RFTN2: variants seen among roughly 807,000 people sequenced by gnomAD.
RFTN2 encodes raftlin-2.
RFTN2 carries 34 observed loss-of-function variants against 52.7 expected under a neutral mutation model. The ratio of observed to expected loss-of-function variants is 0.64; its 90% CI spans 0.49 to 0.86. The LOEUF is 0.86. RFTN2 is among the 40% of genes least tolerant of loss of function. RFTN2 has a pLI of 0.00. For missense variants in RFTN2, 536 were observed against 600.1 expected, an observed-to-expected ratio of 0.89 and a Z score of 1.12; for synonymous variants, 203 against 217.7, an observed-to-expected ratio of 0.93 and a Z score of 0.59.
chr2:197,608,958 G>A (rs986576802), intron 7 of RFTN2, among the ~76,000 whole-genome samples: 6 of 152,150 alleles, frequency 3.9e-5, no homozygotes, highest in African/African-American at 1.4e-4. Context: ...CAAAGGACAT[G>A]AACTCATCCT....
Position 197,640,094 on chromosome 2 carries a change from G to A in RFTN2, c.438+4064C>T, listed in dbSNP as rs1002639031. Among the ~76,000 whole-genome samples the A allele has an allele frequency of 7.9e-5, 12 of 152,308 alleles. No individual in the cohort carries two copies. In the East Asian group the frequency reaches 9.7e-4, roughly 12 times the overall value. ...ACCCACTTGAGGAGGGAGTCTGCCCGTTCTCAGATCTCCAGCTGCGTGCTG... is the reference window on the plus strand; with the variant it reads ...ACCCACTTGAGGAGGGAGTCTGCCCATTCTCAGATCTCCAGCTGCGTGCTG... On this transcript the variant is annotated intron_variant, in intron 3 of 8. Transcript: ENST00000295049.
At chr2:197,624,321 G>C (rs539808587) in intron 5 of RFTN2, among the ~76,000 whole-genome samples, 1 of 152,068 alleles carries the variant, frequency 6.6e-6, no homozygotes, top group Non-Finnish European at 1.5e-5. Flanking sequence ...AAGAGCTGGC[G>C]TGGCGCGGTG....
At chr2:197,626,861 G>A (rs1457366277) in intron 5 of RFTN2, among the ~76,000 whole-genome samples, 1 of 151,786 alleles carries the variant, frequency 6.6e-6, no homozygotes, top group Non-Finnish European at 1.5e-5. Flanking sequence ...CTCGTAATCC[G>A]CCCACCCCAG....
intron 5 of RFTN2, among the ~76,000 whole-genome samples, chr2:197,620,678 C>T (rs189336680): frequency 6.6e-6 from 1 of 152,290 alleles, no homozygotes; most frequent in Admixed American, 6.5e-5. Flanking sequence ...TTCCCAAGAA[C>T]CCAGTAGGCT....
intron 1 of RFTN2, among the ~76,000 whole-genome samples, chr2:197,674,079 T>C (rs756414510): frequency 3.3e-5 from 5 of 152,128 alleles, no homozygotes; most frequent in Non-Finnish European, 7.4e-5. Context: ...TTTGGTTACT[T>C]CTCTGATAAT....
chr2:197,637,612 C>G (rs1334253673), intron 3 of RFTN2, among the ~76,000 whole-genome samples: 1 of 152,074 alleles, frequency 6.6e-6, no homozygotes, highest in African/African-American at 2.4e-5. Flanking sequence ...TTTATTGTGT[C>G]TATTTGATTC....
At chr2:197,660,048 G>T (rs920335411) in intron 1 of RFTN2, among the ~76,000 whole-genome samples, 6 of 152,176 alleles carry the variant, frequency 3.9e-5, no homozygotes, top group Non-Finnish European at 5.9e-5. Context: ...GGAAACTCAG[G>T]AAGAAAGAAA....
chr2:197,587,946 CA>C, intron 8 of RFTN2: 1 of 468,290 alleles, frequency 2.1e-6, no homozygotes, highest in Non-Finnish European at 4.4e-6. Context: ...AGGATTTGTC[CA>C]AGGTCATGAA....
intron 5 of RFTN2, among the ~76,000 whole-genome samples, chr2:197,619,693 G>A (rs1274744454): frequency 6.9e-6 from 1 of 145,398 alleles, no homozygotes; most frequent in East Asian, 2.0e-4. Context: ...ATTGTCCTGT[G>A]ACCCTGCCAA....
At chr2:197,610,872 A>C (rs2088045699) in intron 7 of RFTN2, among the ~76,000 whole-genome samples, 1 of 152,130 alleles carries the variant, frequency 6.6e-6, no homozygotes, top group Admixed American at 6.5e-5. Context: ...TGAGATAATC[A>C]TGTGTTTTTT....
chr2:197,629,273 G>T (rs937477785), intron 5 of RFTN2, among the ~76,000 whole-genome samples: 1 of 152,076 alleles, frequency 6.6e-6, no homozygotes, highest in East Asian at 1.9e-4. Flanking sequence ...CCATAAAAAA[G>T]GATGATTTCA....
chr2:197,610,374 A>G (rs1421805265), intron 7 of RFTN2, among the ~76,000 whole-genome samples: 1 of 152,112 alleles, frequency 6.6e-6, no homozygotes, highest in Non-Finnish European at 1.5e-5. Flanking sequence ...TTCTCTTTGT[A>G]GCAATTGTGA....
chr2:197,590,987 T>G (rs1034054241), intron 8 of RFTN2, among the ~76,000 whole-genome samples: 1 of 152,138 alleles, frequency 6.6e-6, no homozygotes. Context: ...CCTGCTTTTA[T>G]TCTCTTATCT....
At chr2:197,614,137 G>C (rs1049182541) in intron 7 of RFTN2, among the ~76,000 whole-genome samples, 1 of 152,158 alleles carries the variant, frequency 6.6e-6, no homozygotes, top group Non-Finnish European at 1.5e-5. Context: ...CAGAATGTAA[G>C]TCCCTTGTTT....
rs1028187061 is a variant in RFTN2 at position 197,568,841 on chromosome 2, T to C, written c.*3167A>G. ...GGACAGCTCCTCTGGCACTCCAGAA[T>C]GAAAGAAATGAAAATGCATCTGTTA... is the stretch of plus-strand genomic sequence containing the variant. On this transcript the variant is annotated 3_prime_UTR_variant, in exon 9 of 9. Transcript: ENST00000295049. The C allele has an allele frequency of 1.2e-4, 18 of 152,136 alleles. No homozygotes were observed. Among genetic ancestry groups the C allele is most frequent in the African/African-American group, 4.3e-4 (18 of 41,426 alleles). 9.4% of individuals were successfully genotyped at this position (152,136 alleles called of 1,614,324 possible).
chr2:197,604,597 G>A (rs1273509575), intron 7 of RFTN2, among the ~76,000 whole-genome samples: 1 of 152,166 alleles, frequency 6.6e-6, no homozygotes, highest in East Asian at 1.9e-4. Flanking sequence ...TGGGGATAAT[G>A]TTATCTCTGT....
At position 197,641,987 on chromosome 2, in the gene RFTN2, T is replaced by A. The variant is rs187469294; in HGVS notation, c.438+2171A>T. On this transcript the variant is annotated intron_variant, in intron 3 of 8. Coordinates refer to ENST00000295049, the MANE Select transcript of RFTN2 (RefSeq NM_144629.3). ...CGGTAATCTATTAAGACTAAATTAG[T>A]AGCTACATTTTTGTTTTCAAATGAA... Among the ~76,000 whole-genome samples, 24 of 152,354 alleles carry A rather than the reference T, an allele frequency of 1.6e-4. 1 individual carries two copies. The highest frequency in any genetic ancestry group is 1.1e-3 in the Admixed American group (17 of 15,304).
chr2:197,609,362 T>G (rs2088017244), intron 7 of RFTN2, among the ~76,000 whole-genome samples: 1 of 152,254 alleles, frequency 6.6e-6, no homozygotes, highest in Admixed American at 6.5e-5. Flanking sequence ...ATGCTTTTGA[T>G]TTGCATTTCT....
chr2:197,600,066 C>T (rs565786005), intron 7 of RFTN2, among the ~76,000 whole-genome samples: 1 of 152,104 alleles, frequency 6.6e-6, no homozygotes, highest in African/African-American at 2.4e-5. Flanking sequence ...ACCATGCTGG[C>T]CAGGCTGGTC....
Sources: allele counts gnomAD v4.1 joint callset (sites outside exome capture counted in the v4.1 genomes callset), GRCh38; gene constraint gnomAD v4.1.1; transcripts MANE v1.5; gene names NCBI Gene and HGNC (gene_info 2026-07-23, HGNC 2026-07-21).